Variants in DPYD observed in about 807,000 individuals in gnomAD.
DPYD encodes dihydropyrimidine dehydrogenase.
DPYD carries 109 observed loss-of-function variants against 116.2 expected under a neutral mutation model. That is an observed-to-expected ratio of 0.94 (90% CI 0.80 to 1.10). The LOEUF is 1.10. Among genes scored for constraint, DPYD ranks in the 50% least tolerant of loss-of-function variants. The pLI is 0.00. For synonymous variants in DPYD, 440 were observed against 432.0 expected, an observed-to-expected ratio of 1.02 and a Z score of -0.23; for missense variants, 1,302 against 1,254.5, an observed-to-expected ratio of 1.04 and a Z score of -0.57.
intron 18 of DPYD, among the ~76,000 whole-genome samples, chr1:97,275,680 G>C (rs887176099): frequency 1.3e-5 from 2 of 152,176 alleles, no homozygotes; most frequent in Non-Finnish European, 2.9e-5. Context: ...GCAAGATTTA[G>C]ATTCTAGAAG....
At chr1:97,235,077 G>C in intron 18 of DPYD, 83 bp from the exon 19 acceptor site, 22 of 1,536,374 alleles carry the variant, frequency 1.4e-5, no homozygotes, top group Non-Finnish European at 2.0e-5. Context: ...ACTATGATGT[G>C]ATGACAGCGT....
intron 21 of DPYD, among the ~76,000 whole-genome samples, chr1:97,098,185 AT>A (rs968734951): frequency 1.2e-4 from 19 of 152,106 alleles, no homozygotes; most frequent in Non-Finnish European, 4.4e-5. Flanking sequence ...TATTAAAATA[AT>A]TTTTAAGTGA....
chr1:97,805,205 C>A (rs1354774456), intron 3 of DPYD, among the ~76,000 whole-genome samples: 3 of 151,654 alleles, frequency 2.0e-5, no homozygotes, highest in African/African-American at 7.3e-5. Flanking sequence ...AATCAAATGT[C>A]AAACAAACAT....
chr1:97,839,171 T>C (rs143607139), intron 2 of DPYD, among the ~76,000 whole-genome samples: 1 of 152,310 alleles, frequency 6.6e-6, no homozygotes, highest in East Asian at 1.9e-4. Flanking sequence ...TTCCTTCCTT[T>C]CACAGTATAC....
chr1:97,600,927 AT>A (rs1265869867), intron 8 of DPYD, among the ~76,000 whole-genome samples: 1 of 152,146 alleles, frequency 6.6e-6, no homozygotes, highest in African/African-American at 2.4e-5. Context: ...ACATAAGAGT[AT>A]TATTCTAACT....
At chr1:97,906,311 A>C (rs1409072295) in intron 1 of DPYD, among the ~76,000 whole-genome samples, 1 of 152,088 alleles carries the variant, frequency 6.6e-6, no homozygotes, top group African/African-American at 2.4e-5. Flanking sequence ...CATGAATGTG[A>C]ATTTATAACA....
chr1:97,728,819 C>T lies in DPYD; in HGVS notation c.322-7148G>A, dbSNP rs565974868. 1.2e-4 allele frequency among the ~76,000 whole-genome samples: 19 copies of T among 152,208 alleles called. No homozygotes were observed. The South Asian group carries it at 3.7e-3, about 30-fold the overall frequency. ...ACAGAAAGTACATGCACACAGAACA[C>T]TCTTTTTGTCAAGCTGTCACCATCC... is the stretch of plus-strand genomic sequence containing the variant. On this transcript the variant is annotated intron_variant, in intron 4 of 22. Coordinates refer to ENST00000370192, the MANE Select transcript of DPYD (RefSeq NM_000110.4).
chr1:97,813,423 G>A (rs1668425724), intron 3 of DPYD, among the ~76,000 whole-genome samples: 1 of 151,986 alleles, frequency 6.6e-6, no homozygotes, highest in Non-Finnish European at 1.5e-5. Flanking sequence ...CAAATATAAT[G>A]CCAGTAAGTA....
intron 16 of DPYD, among the ~76,000 whole-genome samples, chr1:97,349,535 C>T (rs1303661736): frequency 6.6e-6 from 1 of 152,004 alleles, no homozygotes; most frequent in Non-Finnish European, 1.5e-5. Context: ...TGTGATGTTC[C>T]CCTTCCTGTG....
chr1:97,188,541 C>A (rs1658153187), intron 20 of DPYD, among the ~76,000 whole-genome samples: 1 of 151,858 alleles, frequency 6.6e-6, no homozygotes, highest in African/African-American at 2.4e-5. Flanking sequence ...CAGCACTGGA[C>A]AAGAAGATAT....
chr1:97,165,033 C>T (rs975896504), intron 20 of DPYD, among the ~76,000 whole-genome samples: 3 of 152,036 alleles, frequency 2.0e-5, no homozygotes, highest in Admixed American at 6.6e-5. Context: ...AATGCTATTC[C>T]TATTAAATTA....
intron 20 of DPYD, among the ~76,000 whole-genome samples, chr1:97,119,843 A>C (rs1025820232): frequency 6.6e-6 from 1 of 152,212 alleles, no homozygotes; most frequent in Non-Finnish European, 1.5e-5. Flanking sequence ...TTAGATGTGC[A>C]GTAATCCTCT....
chr1:97,817,621 T>A (rs1668697413), intron 3 of DPYD, among the ~76,000 whole-genome samples: 1 of 152,100 alleles, frequency 6.6e-6, no homozygotes, highest in South Asian at 2.1e-4. Flanking sequence ...TATCTGTAAA[T>A]CTATTCTATT....
intron 8 of DPYD, among the ~76,000 whole-genome samples, chr1:97,634,515 A>G (rs1229857928): frequency 6.6e-6 from 1 of 152,102 alleles, no homozygotes; most frequent in African/African-American, 2.4e-5. Flanking sequence ...GAAAACATAT[A>G]TAATCATCAA....
At chr1:97,292,976 T>C (rs1380446569) in intron 18 of DPYD, among the ~76,000 whole-genome samples, 1 of 152,188 alleles carries the variant, frequency 6.6e-6, no homozygotes, top group Non-Finnish European at 1.5e-5. Flanking sequence ...TTTGGAACTA[T>C]TGAATAAAAA....
intron 16 of DPYD, among the ~76,000 whole-genome samples, chr1:97,332,801 C>CT (rs1669081554): frequency 6.6e-6 from 1 of 152,090 alleles, no homozygotes; most frequent in African/African-American, 2.4e-5. Flanking sequence ...ATCTAAATCT[C>CT]TGAGAGTCAT....
intron 20 of DPYD, among the ~76,000 whole-genome samples, chr1:97,144,792 A>G (rs1222594372): frequency 6.6e-6 from 1 of 152,238 alleles, no homozygotes; most frequent in Non-Finnish European, 1.5e-5. Context: ...AATCTGATGC[A>G]GCAAGGAAGA....
chr1:97,676,506 C>T (rs571607336), intron 8 of DPYD, among the ~76,000 whole-genome samples: 129 of 152,192 alleles, frequency 8.5e-4, no homozygotes, highest in African/African-American at 3.0e-3. Context: ...AAGAACTAAA[C>T]GTTTATATTG....
intron 8 of DPYD, among the ~76,000 whole-genome samples, chr1:97,639,462 T>A (rs1277292851): frequency 6.6e-6 from 1 of 152,144 alleles, no homozygotes; most frequent in East Asian, 1.9e-4. Context: ...TTTCAGTTGC[T>A]TTCCTTCATC....
Sources: allele counts gnomAD v4.1 joint callset (sites outside exome capture counted in the v4.1 genomes callset), GRCh38; gene constraint gnomAD v4.1.1; transcripts MANE v1.5; gene names NCBI Gene and HGNC (gene_info 2026-07-23, HGNC 2026-07-21).